Variants in NLGN1 observed in about 807,000 individuals in gnomAD.
The protein encoded by NLGN1 is neuroligin-1.
A neutral mutation model predicts 65.5 loss-of-function variants in NLGN1; 12 were observed. The observed-to-expected ratio is 0.18, with a 90% confidence interval of 0.12 to 0.30. NLGN1 has a LOEUF of 0.30. Among genes scored for constraint, NLGN1 ranks in the 10% least tolerant of loss-of-function variants. NLGN1 has a pLI of 1.00. For missense variants in NLGN1, 750 were observed against 1,007.1 expected (o/e 0.74, Z 3.46); for synonymous variants, 350 against 359.5 (o/e 0.97, Z 0.30).
At chr3:173,706,080 C>G (rs1157694653) in intron 3 of NLGN1, among the ~76,000 whole-genome samples, 1 of 152,128 alleles carries the variant, frequency 6.6e-6, no homozygotes, top group African/African-American at 2.4e-5. Context: ...TTTTCGTGCT[C>G]CTTGCAATAA....
chr3:173,721,511 C>A (rs1338958425), intron 3 of NLGN1, among the ~76,000 whole-genome samples: 1 of 152,142 alleles, frequency 6.6e-6, no homozygotes, highest in East Asian at 1.9e-4. Flanking sequence ...AAAATGTAAA[C>A]ATACGATCAT....
At chr3:173,893,548 A>G (rs949586667) in intron 4 of NLGN1, among the ~76,000 whole-genome samples, 1 of 152,204 alleles carries the variant, frequency 6.6e-6, no homozygotes, top group Non-Finnish European at 1.5e-5. Flanking sequence ...ATGATTAATG[A>G]TGATGCTTGA....
intron 2 of NLGN1, among the ~76,000 whole-genome samples, chr3:173,544,800 C>T (rs1406566717): frequency 6.6e-6 from 1 of 151,782 alleles, no homozygotes; most frequent in Non-Finnish European, 1.5e-5. Context: ...AGGAAAAGGG[C>T]GCAGAAGAGA....
At chr3:173,926,453 C>CT (rs1273765001) in intron 4 of NLGN1, among the ~76,000 whole-genome samples, 2 of 152,182 alleles carry the variant, frequency 1.3e-5, no homozygotes. Context: ...AAGTGGTTTG[C>CT]TGAGTCCCAT....
rs200724411 is a variant in NLGN1 at position 173,991,799 on chromosome 3, T to TTTG, written c.646+183982_646+183984dup. 3.1e-3 allele frequency among the ~76,000 whole-genome samples: 473 copies of TTTG among 152,120 alleles called. 2 individuals carry two copies. Among genetic ancestry groups the TTTG allele is most frequent in the African/African-American group, 0.01 (435 of 41,498 alleles). ...GAATTATCTGGAGAACTTGTGTTTTTTTGTTGTTGTTGTTGTTTGTTTGTT... is the reference window on the plus strand; with the variant it reads ...GAATTATCTGGAGAACTTGTGTTTTTTTGTTGTTGTTGTTGTTGTTTGTTTGTT... On this transcript the variant is annotated intron_variant, in intron 4 of 6. Transcript: ENST00000457714.
chr3:173,543,413 AT>A (rs1304874206), intron 2 of NLGN1, among the ~76,000 whole-genome samples: 1 of 152,164 alleles, frequency 6.6e-6, no homozygotes, highest in Non-Finnish European at 1.5e-5. Context: ...TCCCAGCATT[AT>A]TCTGCCTTTT....
At chr3:174,218,722 A>T (rs763188968) in intron 4 of NLGN1, among the ~76,000 whole-genome samples, 1 of 152,128 alleles carries the variant, frequency 6.6e-6, no homozygotes, top group Admixed American at 6.5e-5. Context: ...CGAATATCAG[A>T]TAAGTAAGCT....
chr3:173,753,198 C>G (rs1045854534), intron 3 of NLGN1, among the ~76,000 whole-genome samples: 1 of 152,116 alleles, frequency 6.6e-6, no homozygotes. Flanking sequence ...TAAATACTGT[C>G]TATGAATTTA....
At chr3:174,083,293 C>A (rs1488321664) in intron 4 of NLGN1, among the ~76,000 whole-genome samples, 2 of 151,984 alleles carry the variant, frequency 1.3e-5, no homozygotes, top group African/African-American at 4.8e-5. Flanking sequence ...TCCATTCATT[C>A]ATGTATAAAA....
chr3:173,834,336 C>A (rs1024761831), intron 4 of NLGN1, among the ~76,000 whole-genome samples: 3 of 152,014 alleles, frequency 2.0e-5, no homozygotes, highest in Non-Finnish European at 1.5e-5. Flanking sequence ...TTGGAAAATT[C>A]TTGATCTTTT....
At chr3:173,746,021 A>C (rs1036950053) in intron 3 of NLGN1, among the ~76,000 whole-genome samples, 1 of 152,080 alleles carries the variant, frequency 6.6e-6, no homozygotes, top group African/African-American at 2.4e-5. Context: ...TAAGTGAGGC[A>C]TTGTACTGGA....
chr3:173,667,349 ACTT>A (rs1761852735), intron 3 of NLGN1, among the ~76,000 whole-genome samples: 1 of 152,130 alleles, frequency 6.6e-6, no homozygotes, highest in Non-Finnish European at 1.5e-5. Context: ...AGATATGTAT[ACTT>A]CTTTTTTAAA....
chr3:174,266,699 C>T (rs1748314722), intron 4 of NLGN1, among the ~76,000 whole-genome samples: 1 of 152,164 alleles, frequency 6.6e-6, no homozygotes, highest in African/African-American at 2.4e-5. Context: ...CCTTGTGATT[C>T]ACAACCTTGC....
At chr3:174,248,334 C>G (rs1744162126) in intron 4 of NLGN1, among the ~76,000 whole-genome samples, 1 of 152,152 alleles carries the variant, frequency 6.6e-6, no homozygotes, top group South Asian at 2.1e-4. Flanking sequence ...GGAACAGAGT[C>G]AGGCAAATAG....
chr3:174,280,892 G>A lies in NLGN1; in HGVS notation c.2061G>A (p.Leu687=), dbSNP rs746356366. 2.5e-6 allele frequency: 4 copies of A among 1,613,400 alleles called. No individual in the cohort carries two copies. Among genetic ancestry groups the A allele is most frequent in the Non-Finnish European group, 8.5e-7 (1 of 1,179,614 alleles). The change falls in exon 7 of 7, where the codon CTG becomes CTA. Residue 687 remains leucine, a synonymous_variant. Transcript: ENST00000457714. This position sits in a 1 kb window ranked among gnomAD's most constrained non-coding sequence, Gnocchi z 4.9. ...CTATTGCAGTTGGAGCATCACTGCT[G>A]TTTCTGAACATCTTGGCCTTTGCAG...
chr3:174,263,255 G>A (rs532876325), intron 4 of NLGN1, among the ~76,000 whole-genome samples: 17 of 147,546 alleles, frequency 1.2e-4, no homozygotes, highest in South Asian at 6.5e-4. Context: ...TTTCTGTCTC[G>A]TTGATCTGTC....
At chr3:173,619,736 C>A (rs768783858) in intron 3 of NLGN1, among the ~76,000 whole-genome samples, 22 of 152,098 alleles carry the variant, frequency 1.4e-4, no homozygotes, top group Non-Finnish European at 3.1e-4. Flanking sequence ...TTGACTGTGC[C>A]CTTAGCCACT....
chr3:173,790,839 T>G (rs1473032574), intron 3 of NLGN1, among the ~76,000 whole-genome samples: 2 of 152,170 alleles, frequency 1.3e-5, no homozygotes, highest in Non-Finnish European at 2.9e-5. Context: ...TAGAAGAGTA[T>G]GGCATTGTCT....
intron 2 of NLGN1, among the ~76,000 whole-genome samples, chr3:173,576,602 C>CT (rs1325888171): frequency 6.6e-6 from 1 of 152,140 alleles, no homozygotes; most frequent in Non-Finnish European, 1.5e-5. Context: ...TATCACATCT[C>CT]TTACTCTTAT....
Sources: gnomAD v4.1 joint callset for allele counts (sites outside exome capture counted in the v4.1 genomes callset) on GRCh38, gnomAD v4.1.1 for gene constraint, Gnocchi (gnomAD v3.1) non-coding constraint, MANE v1.5 for transcripts, NCBI Gene and HGNC (gene_info 2026-07-23, HGNC 2026-07-21) for gene names.